STRAP: variants seen among roughly 807,000 people sequenced by gnomAD.
STRAP encodes the protein serine/threonine kinase receptor associated protein.
STRAP carries 16 observed loss-of-function variants against 47.0 expected under a neutral mutation model. The ratio of observed to expected loss-of-function variants is 0.34; its 90% CI spans 0.23 to 0.52. STRAP has a LOEUF of 0.52. STRAP is among the 20% of genes least tolerant of loss of function. The pLI is 0.96. For missense variants in STRAP, 293 were observed against 420.0 expected (o/e 0.70, Z 2.64); for synonymous variants, 130 against 142.7 (o/e 0.91, Z 0.63).
chr12:15,899,666 T>C (rs1378237728), intron 7 of STRAP, among the ~76,000 whole-genome samples: 1 of 152,148 alleles, frequency 6.6e-6, no homozygotes, highest in African/African-American at 2.4e-5. Context: ...CCTCATTTGC[T>C]TTTTTTAGAG....
At chr12:15,883,967 T>C (rs763915345) in intron 2 of STRAP, among the ~76,000 whole-genome samples, 4 of 152,236 alleles carry the variant, frequency 2.6e-5, no homozygotes, top group Non-Finnish European at 4.4e-5. Flanking sequence ...TGATCTCCTT[T>C]ACGAATGCTG....
At chr12:15,892,811 ACAAAGCAAGGTAGTTCAGGGATTGGGT>A (rs1591986477) in intron 4 of STRAP, among the ~76,000 whole-genome samples, 2 of 152,176 alleles carry the variant, frequency 1.3e-5, no homozygotes, top group Non-Finnish European at 1.5e-5. Flanking sequence ...AACCCATTCA[ACAAAGCAAGGTAGTTCAGGGATTGGGT>A]CAAAGCAAGG....
chr12:15,883,206 T>G, intron 1 of STRAP: 1 of 1,393,474 alleles, frequency 7.2e-7, no homozygotes, highest in South Asian at 1.2e-5. Context: ...CTTGTCTCAC[T>G]GGATATTCCT....
chr12:15,895,952 G>A (rs1396119386), intron 6 of STRAP, among the ~76,000 whole-genome samples: 2 of 151,854 alleles, frequency 1.3e-5, no homozygotes, highest in African/African-American at 4.8e-5. Flanking sequence ...GCTGGGCGTG[G>A]TGGCTCACGT....
Position 15,882,611 on chromosome 12 carries a change from GC to G in STRAP, c.-96del. The stretch of plus-strand genomic sequence containing the variant: ...TGCCCAGCCCAGCCCTAGTGTCAGG[GC>G]GGGGGCCTGGAGCAGCCCGAGGCAC... On this transcript the variant is annotated 5_prime_UTR_variant, in exon 1 of 10. Coordinates refer to ENST00000419869, the MANE Select transcript of STRAP (RefSeq NM_007178.4). 9.7e-7 allele frequency: 1 copy of G among 1,028,310 alleles called. No homozygotes were observed. The highest frequency in any genetic ancestry group is 2.6e-5 in the East Asian group (1 of 38,604). The allele number at this position is 1,028,310 out of a possible 1,614,324, so 63.7% of individuals were successfully genotyped here. A position where few individuals can be genotyped will look rare whatever the true frequency, so the allele number is the denominator to read the frequency against.
At chr12:15,886,830 G>T (rs1947976450) in intron 2 of STRAP, among the ~76,000 whole-genome samples, 3 of 152,154 alleles carry the variant, frequency 2.0e-5, no homozygotes, top group Non-Finnish European at 4.4e-5. Flanking sequence ...CCCGTTTCTT[G>T]TGGAGAAATT....
At chr12:15,900,849 TC>T (rs1565577830) in intron 8 of STRAP, 97 bp from the exon 9 acceptor site, 7 of 881,790 alleles carry the variant, frequency 7.9e-6, no homozygotes. Context: ...GTAGCCATTT[TC>T]CTGGAATAGT....
At chr12:15,893,653 ATATT>A (rs893375787) in intron 4 of STRAP, among the ~76,000 whole-genome samples, 35 of 147,882 alleles carry the variant, frequency 2.4e-4, no homozygotes, top group East Asian at 1.9e-4. Flanking sequence ...TAATGCTTTT[ATATT>A]TATTATACTT....
intron 9 of STRAP, 22 bp from the exon 10 acceptor site, chr12:15,902,895 T>C: frequency 7.1e-7 from 1 of 1,408,016 alleles, no homozygotes; most frequent in African/African-American, 1.5e-5. Context: ...CTTTTTTTTT[T>C]TTTTTTTTTT....
chr12:15,889,850 T>A, intron 2 of STRAP, 78 bp from the exon 3 acceptor site: 1 of 1,162,842 alleles, frequency 8.6e-7, no homozygotes, highest in Non-Finnish European at 1.3e-6. Flanking sequence ...TTGGTACTCA[T>A]CAATATTATA....
chr12:15,895,529 T>A, intron 6 of STRAP, 33 bp downstream of exon 6: 1 of 1,575,188 alleles, frequency 6.3e-7, no homozygotes, highest in Non-Finnish European at 8.6e-7. Context: ...TTTTCTTTTT[T>A]AGGTAACAAA....
At chr12:15,895,316 T>C (rs1168847075) in intron 5 of STRAP, 43 bp from the exon 6 acceptor site, 25 of 1,417,112 alleles carry the variant, frequency 1.8e-5, no homozygotes, top group Non-Finnish European at 2.3e-5. Context: ...ATAAACTTTT[T>C]TCTTACATGA....
chr12:15,895,879 AAAAG>A lies in STRAP; in HGVS notation c.638+384_638+387del, dbSNP rs1237062352. 1.4e-4 allele frequency among the ~76,000 whole-genome samples: 21 copies of A among 151,696 alleles called. No individual in the cohort carries two copies. In the East Asian group the frequency reaches 4.1e-3, roughly 29 times the overall value. Reference sequence around the variant, plus strand: ...CCTCCTCTGAAAAAAAAAAAAAAAAAAAAGCAAAAACTACTGAAATGGTGCTGTC... The same window carrying A: ...CCTCCTCTGAAAAAAAAAAAAAAAAACAAAAACTACTGAAATGGTGCTGTC... On this transcript the variant is annotated intron_variant, in intron 6 of 9. Transcript: ENST00000419869.
chr12:15,897,916 A>G lies in STRAP; in HGVS notation c.673A>G (p.Thr225Ala), dbSNP rs752866252. 1.9e-6 allele frequency: 3 copies of G among 1,578,910 alleles called. No homozygotes were observed. Among genetic ancestry groups the G allele is most frequent in the South Asian group, 1.2e-5 (1 of 84,168 alleles). ...DPIKSFEAPA[T>A]INSASLHPEK... ...AATTAAATCCTTTGAAGCTCCTGCA[A>G]CCATCAATTCTGCATCTCTTCATCC... The change falls in exon 7 of 10, where the codon ACC (threonine) becomes GCC (alanine). Residue 225 changes from threonine to alanine, a missense_variant. Thr to Ala is a moderately conservative substitution (Grantham distance 58). This residue lies in a region of STRAP where 152 missense variants were observed against 183.0 expected (regional missense o/e 0.83). Coordinates refer to ENST00000419869, the MANE Select transcript of STRAP (RefSeq NM_007178.4).
intron 1 of STRAP, 83 bp downstream of exon 1, chr12:15,882,902 G>T: frequency 6.9e-7 from 1 of 1,447,422 alleles, no homozygotes; most frequent in Non-Finnish European, 9.5e-7. Flanking sequence ...GTGCCGAAGC[G>T]GTGGTGTGGT....
rs778091144 is a variant in STRAP at position 15,898,034 on chromosome 12, AC to A, written c.775+17del. 2.0e-5 allele frequency: 32 copies of A among 1,594,440 alleles called. No homozygotes were observed. The South Asian group carries it at 3.1e-4, about 15-fold the overall frequency. ...GAAGAATTAGGTGAGTTGTCCCCTT[AC>A]AGTGATGTGGTTACCTTTATCATAT... On this transcript the variant is annotated intron_variant, in intron 7 of 9. Transcript: ENST00000419869.
chr12:15,895,191 A>G (rs1429955323), intron 5 of STRAP, among the ~76,000 whole-genome samples, 168 bp from the exon 6 acceptor site: 1 of 152,262 alleles, frequency 6.6e-6, no homozygotes, highest in Non-Finnish European at 1.5e-5. Context: ...GACATTGTAT[A>G]TAGAAACCCA....
Position 15,887,423 on chromosome 12 carries a change from G to A in STRAP, c.249-2505G>A, listed in dbSNP as rs1947981022. Among the ~76,000 whole-genome samples, 1 of 152,166 alleles carries A rather than the reference G, an allele frequency of 6.6e-6. No individual in the cohort carries two copies. The highest frequency in any genetic ancestry group is 2.4e-5 in the African/African-American group (1 of 41,442). Reference sequence around the variant, plus strand: ...AGGGTATTGTTAATAGCGCTTTACTGTCTTGATTTGAGCCCTGTGGCCAAC... The same window carrying A: ...AGGGTATTGTTAATAGCGCTTTACTATCTTGATTTGAGCCCTGTGGCCAAC... On this transcript the variant is annotated intron_variant, in intron 2 of 9. Coordinates refer to ENST00000419869, the MANE Select transcript of STRAP (RefSeq NM_007178.4). The surrounding 1 kb of genome is among the most constrained non-coding windows in gnomAD (Gnocchi z 5.5).
At chr12:15,884,294 C>T (rs956635162) in intron 2 of STRAP, among the ~76,000 whole-genome samples, 3 of 152,070 alleles carry the variant, frequency 2.0e-5, no homozygotes, top group African/African-American at 7.2e-5. Context: ...TCATTTTTAA[C>T]TTTCAGTAGT....
Sources: allele counts gnomAD v4.1 joint callset (sites outside exome capture counted in the v4.1 genomes callset), GRCh38; gene constraint gnomAD v4.1.1; regional missense constraint gnomAD v4.1.1; non-coding constraint Gnocchi (gnomAD v3.1); transcripts MANE v1.5; gene names NCBI Gene and HGNC (gene_info 2026-07-23, HGNC 2026-07-21).